Variants in MACROD2 observed in about 807,000 individuals in gnomAD.
The protein encoded by MACROD2 is mono-ADP ribosylhydrolase 2, also known as ADP-ribose glycohydrolase MACROD2.
A neutral mutation model predicts 70.4 loss-of-function variants in MACROD2; 36 were observed. That is an observed-to-expected ratio of 0.51 (90% CI 0.39 to 0.68). The LOEUF (loss-of-function observed/expected upper bound fraction) is 0.68. Ranked by LOEUF, MACROD2 falls within the 30% of genes least tolerant of loss-of-function variation. The pLI is 0.00. For synonymous variants in MACROD2, 172 were observed against 178.8 expected, an observed-to-expected ratio of 0.96 and a Z score of 0.30; for missense variants, 496 against 538.4, an observed-to-expected ratio of 0.92 and a Z score of 0.78.
At chr20:15,799,591 C>G (rs570157119) in intron 8 of MACROD2, among the ~76,000 whole-genome samples, 1 of 152,182 alleles carries the variant, frequency 6.6e-6, no homozygotes, top group Admixed American at 6.5e-5. Context: ...ATGCCTCCAC[C>G]TCTATTCCTG....
At chr20:15,484,854 T>C (rs1318048962) in intron 7 of MACROD2, among the ~76,000 whole-genome samples, 1 of 152,146 alleles carries the variant, frequency 6.6e-6, no homozygotes, top group Admixed American at 6.5e-5. Flanking sequence ...TCTACTCCAG[T>C]ACTCGTTCCT....
intron 3 of MACROD2, among the ~76,000 whole-genome samples, chr20:14,160,836 A>T (rs988252520): frequency 6.6e-6 from 1 of 151,908 alleles, no homozygotes; most frequent in Non-Finnish European, 1.5e-5. Context: ...TATACTTTTT[A>T]AAAATTTTTA....
intron 8 of MACROD2, among the ~76,000 whole-genome samples, chr20:15,575,536 T>A (rs555180594): frequency 6.6e-6 from 1 of 152,296 alleles, no homozygotes; most frequent in African/African-American, 2.4e-5. Flanking sequence ...AATGATGGAT[T>A]ACTTAGTTCT....
chr20:16,009,650 G>T (rs923261493), intron 15 of MACROD2, among the ~76,000 whole-genome samples: 1 of 152,032 alleles, frequency 6.6e-6, no homozygotes, highest in African/African-American at 2.4e-5. Context: ...CCAGCTACTC[G>T]AGAGGCTGAG....
intron 2 of MACROD2, among the ~76,000 whole-genome samples, chr20:14,078,333 G>C (rs3859625): frequency 6.6e-6 from 1 of 152,250 alleles, no homozygotes; most frequent in Non-Finnish European, 1.5e-5. Flanking sequence ...TAGTTATCGA[G>C]GATCCTGTTT....
At chr20:15,229,872 TATTA>T in intron 5 of MACROD2, 64 bp from the exon 6 acceptor site, 1 of 1,475,220 alleles carries the variant, frequency 6.8e-7, no homozygotes, top group Admixed American at 2.2e-5. Flanking sequence ...ATAAATAAAG[TATTA>T]ATTATGTAAA....
At chr20:14,366,305 A>AT (rs907155125) in intron 3 of MACROD2, among the ~76,000 whole-genome samples, 13 of 149,598 alleles carry the variant, frequency 8.7e-5, no homozygotes, top group Admixed American at 2.7e-4. Flanking sequence ...TATATTTGTA[A>AT]TTTTTTTATC....
intron 3 of MACROD2, among the ~76,000 whole-genome samples, chr20:14,446,946 C>T (rs1015362614): frequency 3.3e-5 from 5 of 152,046 alleles, no homozygotes; most frequent in Non-Finnish European, 4.4e-5. Context: ...TTAGTTTTAT[C>T]GGAGCCACCA....
chr20:15,603,806 G>T (rs1030547622), intron 8 of MACROD2, among the ~76,000 whole-genome samples: 2 of 152,148 alleles, frequency 1.3e-5, no homozygotes, highest in African/African-American at 4.8e-5. Flanking sequence ...TGTTCAACCT[G>T]CAGACCTTTT....
chr20:14,246,817 C>T (rs2122253456), intron 3 of MACROD2, among the ~76,000 whole-genome samples: 1 of 152,288 alleles, frequency 6.6e-6, no homozygotes, highest in East Asian at 1.9e-4. Context: ...TCAGCCTTCC[C>T]TCAAGGTGAA....
chr20:14,643,761 C>T (rs1031086099), intron 4 of MACROD2, among the ~76,000 whole-genome samples: 1 of 152,122 alleles, frequency 6.6e-6, no homozygotes, highest in Non-Finnish European at 1.5e-5. Flanking sequence ...GACAAGGCAC[C>T]TGTGGTGACT....
intron 8 of MACROD2, among the ~76,000 whole-genome samples, chr20:15,789,235 A>G (rs981340253): frequency 1.1e-4 from 16 of 152,178 alleles, no homozygotes; most frequent in South Asian, 4.1e-4. Context: ...CATTCAAAGG[A>G]GTTTTAGCTT....
intron 3 of MACROD2, among the ~76,000 whole-genome samples, chr20:14,358,583 A>G (rs1409350949): frequency 6.6e-6 from 1 of 151,912 alleles, no homozygotes; most frequent in African/African-American, 2.4e-5. Flanking sequence ...CAGCCTCCCT[A>G]GTAGCTGGGA....
intron 12 of MACROD2, among the ~76,000 whole-genome samples, chr20:15,960,313 A>G (rs2066041692): frequency 1.3e-5 from 2 of 152,074 alleles, no homozygotes; most frequent in African/African-American, 4.8e-5. Context: ...AACTTGCCCT[A>G]ATTAGGTGGC....
At chr20:14,590,171 C>T (rs1912519788) in intron 4 of MACROD2, among the ~76,000 whole-genome samples, 2 of 152,210 alleles carry the variant, frequency 1.3e-5, no homozygotes, top group South Asian at 2.1e-4. Context: ...AACTGGAATG[C>T]TTTTGATCAT....
At chr20:15,550,553 A>T (rs1200668342) in intron 8 of MACROD2, among the ~76,000 whole-genome samples, 1 of 152,054 alleles carries the variant, frequency 6.6e-6, no homozygotes, top group Non-Finnish European at 1.5e-5. Flanking sequence ...TCACTTTTTT[A>T]TTCCATATTT....
At chr20:15,418,995 A>T (rs2046192533) in intron 6 of MACROD2, among the ~76,000 whole-genome samples, 1 of 152,224 alleles carries the variant, frequency 6.6e-6, no homozygotes, top group Non-Finnish European at 1.5e-5. Context: ...TGCCAGCCAC[A>T]CCAAGGGAAA....
intron 3 of MACROD2, among the ~76,000 whole-genome samples, chr20:14,298,901 G>A (rs892758808): frequency 5.3e-5 from 8 of 152,168 alleles, no homozygotes; most frequent in Non-Finnish European, 8.8e-5. Context: ...ATGATAAAAC[G>A]TACATGGATG....
chr20:14,866,231 T>A (rs1449590686), intron 5 of MACROD2, among the ~76,000 whole-genome samples: 2 of 152,158 alleles, frequency 1.3e-5, no homozygotes, highest in Non-Finnish European at 2.9e-5. Context: ...TGAACTTAAC[T>A]GGATGTGTCT....
Sources: gnomAD v4.1 joint callset for allele counts (sites outside exome capture counted in the v4.1 genomes callset) on GRCh38, gnomAD v4.1.1 for gene constraint, MANE v1.5 for transcripts, NCBI Gene and HGNC (gene_info 2026-07-23, HGNC 2026-07-21) for gene names.